Variants in NECAB2 observed in about 807,000 individuals in gnomAD.
NECAB2 encodes the protein N-terminal EF-hand calcium binding protein 2.
NECAB2 carries 68 observed loss-of-function variants against 51.9 expected under a neutral mutation model. The observed-to-expected ratio is 1.31, with a 90% CI of 1.08 to 1.60. The LOEUF (loss-of-function observed/expected upper bound fraction) is 1.60, where lower values mean the gene tolerates loss of function less well. Among genes scored for constraint, NECAB2 ranks in the 40% most tolerant of loss-of-function variants. The pLI is 0.00. For missense variants in NECAB2, 854 were observed against 490.3 expected, an observed-to-expected ratio of 1.74 and a Z score of -7.00; for synonymous variants, 329 against 203.5, an observed-to-expected ratio of 1.62 and a Z score of -5.25.
Position 83,968,805 on chromosome 16 carries a change from C to G in NECAB2, c.157C>G (p.Pro53Ala). 8.9e-7 allele frequency: 1 copy of G among 1,127,894 alleles called. No homozygotes were observed. The highest frequency in any genetic ancestry group is 4.2e-5 in the South Asian group (1 of 23,600). The allele number at this position is 1,127,894 out of a possible 1,614,324, so 69.9% of individuals were successfully genotyped here. A position where few individuals can be genotyped will look rare whatever the true frequency, so the allele number is the denominator to read the frequency against. The change falls in exon 1 of 13, where the codon CCC becomes GCC. Residue 53 changes from proline (P) to alanine (A), a missense_variant. Pro to Ala is a conservative substitution (Grantham distance 27, BLOSUM62 -1). Coordinates refer to ENST00000305202, the MANE Select transcript of NECAB2 (RefSeq NM_019065.3). ...ESLAPAAPAD[P>A]GPASPRGGTA... ...GCTGGCCCCCGCCGCCCCCGCGGAC[C>G]CCGGCCCAGCCTCGCCGCGCGGGGG...
intron 2 of NECAB2, among the ~76,000 whole-genome samples, chr16:83,976,035 C>T (rs998799822): frequency 1.3e-5 from 2 of 152,260 alleles, no homozygotes; most frequent in African/African-American, 2.4e-5. Flanking sequence ...GCCGAGGGGG[C>T]ACCTTGCTGG....
intron 5 of NECAB2, among the ~76,000 whole-genome samples, chr16:83,989,072 C>G (rs2084589599): frequency 6.6e-6 from 1 of 152,236 alleles, no homozygotes; most frequent in Non-Finnish European, 1.5e-5. Context: ...GCTTTTAACA[C>G]ACTTCAGCCC....
intron 2 of NECAB2, among the ~76,000 whole-genome samples, chr16:83,975,898 C>T (rs544659955): frequency 3.0e-4 from 45 of 152,164 alleles, no homozygotes; most frequent in Non-Finnish European, 3.5e-4. Context: ...TGGGGGCCTA[C>T]GTAGGGCATG....
intron 8 of NECAB2, among the ~76,000 whole-genome samples, chr16:83,996,792 C>T (rs1324050311): frequency 3.3e-5 from 5 of 152,142 alleles, no homozygotes; most frequent in Non-Finnish European, 4.4e-5. Context: ...AGCACCTTCC[C>T]TGGGGAGTCT....
intron 6 of NECAB2, among the ~76,000 whole-genome samples, chr16:83,994,094 G>C (rs2084662487): frequency 6.6e-6 from 1 of 152,190 alleles, no homozygotes; most frequent in African/African-American, 2.4e-5. Context: ...TCGAATCCCA[G>C]CTCTGCCCAG....
At chr16:83,994,959 G>A (rs1330318390) in intron 8 of NECAB2, among the ~76,000 whole-genome samples, 1 of 152,188 alleles carries the variant, frequency 6.6e-6, no homozygotes, top group African/African-American at 2.4e-5. Context: ...GCAGCTCCAG[G>A]AGCAGAGGGT....
chr16:83,990,590 A>T lies in NECAB2; in HGVS notation c.556A>T (p.Ser186Cys). ...QIQSLLSSVE[S>C]AVEAIEEQTS... ...CCAGTCGCTGCTGAGCTCAGTGGAG[A>T]GTGCGGTGGAGGCCATCGAGGAACA... Residue 186 changes from serine to cysteine, a missense_variant, in exon 6 of 13, where the codon AGT becomes TGT. Coordinates refer to ENST00000305202, the MANE Select transcript of NECAB2 (RefSeq NM_019065.3). 1 of 1,614,050 alleles carries T rather than the reference A, an allele frequency of 6.2e-7. No homozygotes were observed. The highest frequency in any genetic ancestry group is 8.5e-7 in the Non-Finnish European group (1 of 1,180,018).
At chr16:83,996,631 CACTT>C (rs1567677203) in intron 8 of NECAB2, among the ~76,000 whole-genome samples, 1 of 152,152 alleles carries the variant, frequency 6.6e-6, no homozygotes, top group South Asian at 2.1e-4. Context: ...CACGCTCTGA[CACTT>C]ACATGGCTTT....
intron 5 of NECAB2, among the ~76,000 whole-genome samples, chr16:83,989,394 C>T (rs1222156615): frequency 1.3e-5 from 2 of 152,216 alleles, no homozygotes; most frequent in Non-Finnish European, 2.9e-5. Flanking sequence ...TCCTCCTCCT[C>T]TGTTTCTCAG....
intron 2 of NECAB2, among the ~76,000 whole-genome samples, chr16:83,972,565 C>G (rs964120153): frequency 3.3e-5 from 5 of 152,244 alleles, no homozygotes; most frequent in Non-Finnish European, 7.3e-5. Context: ...AGGCCCTTCA[C>G]AAGCCTTGGT....
chr16:83,981,206 T>G, intron 5 of NECAB2, 79 bp downstream of exon 5: 4 of 1,367,448 alleles, frequency 2.9e-6, no homozygotes, highest in East Asian at 2.3e-5. Flanking sequence ...GATGCCTGGA[T>G]TTTTGAAGAC....
chr16:84,000,905 A>G (rs1029712877), intron 11 of NECAB2, 104 bp downstream of exon 11: 5 of 1,154,608 alleles, frequency 4.3e-6, no homozygotes, highest in Non-Finnish European at 6.4e-6. Context: ...GGCCGAGTCC[A>G]GTCAGCAGAT....
chr16:83,997,965 C>T (rs1035256080), intron 9 of NECAB2, among the ~76,000 whole-genome samples: 3 of 152,204 alleles, frequency 2.0e-5, no homozygotes, highest in African/African-American at 4.8e-5. Flanking sequence ...GATGGGGCCT[C>T]TGTAAACAAC....
chr16:83,980,751 A>C (rs2084476451), intron 3 of NECAB2, 88 bp from the exon 4 acceptor site: 1 of 1,486,096 alleles, frequency 6.7e-7, no homozygotes, highest in African/African-American at 1.4e-5. Flanking sequence ...AAGAGCAGGC[A>C]GGATGTGTGT....
intron 1 of NECAB2, 112 bp downstream of exon 1, chr16:83,968,961 G>A: frequency 1.6e-6 from 1 of 625,296 alleles, no homozygotes; most frequent in African/African-American, 2.0e-5. Context: ...CCCTACCCGG[G>A]CAGGAGACCC....
chr16:84,000,526 G>GTTA (rs1567680969), intron 10 of NECAB2, among the ~76,000 whole-genome samples, 198 bp from the exon 11 acceptor site: 2 of 151,930 alleles, frequency 1.3e-5, no homozygotes, highest in African/African-American at 4.9e-5. Flanking sequence ...ATAAATAGCT[G>GTTA]TTGGCCACTA....
chr16:83,993,462 G>C (rs980800274), intron 6 of NECAB2: 1 of 154,188 alleles, frequency 6.5e-6, no homozygotes, highest in Non-Finnish European at 1.5e-5. Flanking sequence ...AGCGGGTGTT[G>C]GGGCCGTGCA....
chr16:83,990,372 C>T lies in NECAB2; in HGVS notation c.460-122C>T, dbSNP rs2084606823. On this transcript the variant is annotated intron_variant, in intron 5 of 12. Coordinates refer to ENST00000305202, the MANE Select transcript of NECAB2 (RefSeq NM_019065.3). ...CTGGACCCCAGGAGGCCGTGGGGTC[C>T]TCCCTTCCCTTTGCAAAGCAAATTC... The T allele has an allele frequency of 2.3e-6, 3 of 1,320,032 alleles. No individual in the cohort carries two copies. In the South Asian group the frequency reaches 4.1e-5, roughly 18 times the overall value. 81.8% of individuals were successfully genotyped at this position (1,320,032 alleles called of 1,614,324 possible). A position where few individuals can be genotyped will look rare whatever the true frequency, so the allele number is the denominator to read the frequency against.
intron 6 of NECAB2, chr16:83,993,516 T>C (rs1031049575): frequency 1.3e-5 from 2 of 154,446 alleles, no homozygotes; most frequent in Admixed American, 1.3e-4. Flanking sequence ...TGTGTTTCTG[T>C]ATGTCTGCCA....
Sources: gnomAD v4.1 joint callset for allele counts (sites outside exome capture counted in the v4.1 genomes callset) on GRCh38, gnomAD v4.1.1 for gene constraint, MANE v1.5 for transcripts, NCBI Gene and HGNC (gene_info 2026-07-23, HGNC 2026-07-21) for gene names.